Variants in RPS6KA2 observed in about 807,000 individuals in gnomAD.
RPS6KA2 encodes ribosomal protein S6 kinase A2.
RPS6KA2 carries 42 observed loss-of-function variants against 91.8 expected under a neutral mutation model. The ratio of observed to expected loss-of-function variants is 0.46; its 90% CI spans 0.36 to 0.59. RPS6KA2 has a LOEUF of 0.59. RPS6KA2 is among the 20% of genes least tolerant of loss of function. The pLI is 0.00. For synonymous variants in RPS6KA2, 414 were observed against 393.6 expected (o/e 1.05, Z -0.61); for missense variants, 798 against 978.5 (o/e 0.82, Z 2.46).
intron 10 of RPS6KA2, among the ~76,000 whole-genome samples, chr6:166,475,334 G>A (rs1228063326): frequency 5.3e-5 from 8 of 152,190 alleles, no homozygotes; most frequent in African/African-American, 1.7e-4. Context: ...GCGTACTCCC[G>A]AGCGTGGCCC....
chr6:166,830,717 C>G (rs1780163597), intron 2 of RPS6KA2, among the ~76,000 whole-genome samples: 1 of 152,138 alleles, frequency 6.6e-6, no homozygotes, highest in African/African-American at 2.4e-5. Context: ...TCTCATCACA[C>G]CAAGCGTCAG....
chr6:166,532,495 G>A (rs1783317211), intron 2 of RPS6KA2, among the ~76,000 whole-genome samples: 1 of 152,202 alleles, frequency 6.6e-6, no homozygotes, highest in African/African-American at 2.4e-5. Context: ...CGGAGTTGCT[G>A]TATCAGTGTC....
Position 166,436,066 on chromosome 6 carries a change from C to T in RPS6KA2, c.1333-3576G>A, listed in dbSNP as rs1031022120. ...TAAGATTCAACAAATTAATATGAAT[C>T]GATCCCTTCATACTCTCCCTGGTAC... On this transcript the variant is annotated intron_variant, in intron 14 of 20. Transcript: ENST00000265678. 5.3e-5 allele frequency among the ~76,000 whole-genome samples: 8 copies of T among 152,280 alleles called. No individual in the cohort carries two copies. In the South Asian group the frequency reaches 8.3e-4, roughly 16 times the overall value.
At chr6:166,417,044 C>T (rs1017598725) in intron 19 of RPS6KA2, among the ~76,000 whole-genome samples, 6 of 152,212 alleles carry the variant, frequency 3.9e-5, no homozygotes, top group Admixed American at 2.0e-4. Flanking sequence ...TGCTGCTTAC[C>T]AGTGGCTGGA....
In RPS6KA2 at chr6:166,418,573, T is replaced by C. The variant is rs1778619838; in HGVS notation, c.1821-231A>G. 6.6e-6 allele frequency among the ~76,000 whole-genome samples: 1 copy of C among 152,234 alleles called. No homozygotes were observed. Among genetic ancestry groups the C allele is most frequent in the Non-Finnish European group, 1.5e-5 (1 of 68,042 alleles). On this transcript the variant is annotated intron_variant, in intron 18 of 20. Coordinates refer to ENST00000265678, the MANE Select transcript of RPS6KA2 (RefSeq NM_021135.6). This position sits in a 1 kb window ranked among gnomAD's most constrained non-coding sequence, Gnocchi z 4.9. Reference sequence around the variant, plus strand: ...TTGATGGGCAAGTGGGAGAGCCCTGTGAGACCTGTGCTGTATCCCCTCCGG... The same window carrying C: ...TTGATGGGCAAGTGGGAGAGCCCTGCGAGACCTGTGCTGTATCCCCTCCGG...
chr6:166,786,741 A>C (rs894957856), intron 2 of RPS6KA2, among the ~76,000 whole-genome samples: 5 of 152,276 alleles, frequency 3.3e-5, no homozygotes, highest in African/African-American at 1.2e-4. Context: ...AAACTGAATT[A>C]TGTCATGATA....
intron 2 of RPS6KA2, among the ~76,000 whole-genome samples, chr6:166,837,105 C>T (rs79355261): frequency 0.062 from 9,444 of 152,216 alleles, 739 homozygotes; most frequent in East Asian, 0.39. Flanking sequence ...CGAGGAAGAC[C>T]GACGCTGTCC....
chr6:166,841,789 C>G lies in RPS6KA2; in HGVS notation c.123+16411G>C, dbSNP rs189270951. Among the ~76,000 whole-genome samples, 134 of 152,338 alleles carry G rather than the reference C, an allele frequency of 8.8e-4. 1 individual carries two copies. Among genetic ancestry groups the G allele is most frequent in the African/African-American group, 3.1e-3 (127 of 41,584 alleles). On this transcript the variant is annotated intron_variant, in intron 2 of 21. Transcript: ENST00000503859. The stretch of plus-strand genomic sequence containing the variant: ...GACGGTAACACCCCGTGACCACTCT[C>G]TAAAGAGATGAGGAAGAGGCCAGGA...
At chr6:166,685,671 C>T (rs1562382408) in intron 2 of RPS6KA2, among the ~76,000 whole-genome samples, 1 of 152,128 alleles carries the variant, frequency 6.6e-6, no homozygotes, top group Non-Finnish European at 1.5e-5. Flanking sequence ...CCCCGTGCAC[C>T]ACCACTCTTC....
At chr6:166,744,601 G>T (rs1309473100) in intron 2 of RPS6KA2, among the ~76,000 whole-genome samples, 2 of 152,158 alleles carry the variant, frequency 1.3e-5, no homozygotes, top group Non-Finnish European at 2.9e-5. Context: ...GTGCAGCAGG[G>T]CCCACCCTGT....
chr6:166,854,667 C>T (rs7744640), intron 2 of RPS6KA2, among the ~76,000 whole-genome samples: 16,315 of 152,050 alleles, frequency 0.11, 2,625 homozygotes, highest in African/African-American at 0.35. Flanking sequence ...TTAGTTGCCA[C>T]AAAATTTCTT....
rs868649197 is a variant in RPS6KA2, at chr6:166,459,393, C to G, written c.1075+56G>C. Reference sequence around the variant, plus strand: ...GAATTTCTTGTTCCTAGATATCTGTCTCTAAGGGGTCAGGTGGGAGAAGCC... The same window carrying G: ...GAATTTCTTGTTCCTAGATATCTGTGTCTAAGGGGTCAGGTGGGAGAAGCC... On this transcript the variant is annotated intron_variant, in intron 12 of 20. Coordinates refer to ENST00000265678, the MANE Select transcript of RPS6KA2 (RefSeq NM_021135.6). This position sits in a 1 kb window ranked among gnomAD's most constrained non-coding sequence, Gnocchi z 4.9. 9.6e-7 allele frequency: 1 copy of G among 1,043,858 alleles called. No homozygotes were observed. The highest frequency in any genetic ancestry group is 1.3e-5 in the South Asian group (1 of 75,676). The allele number at this position is 1,043,858 out of a possible 1,614,324, so 64.7% of individuals were successfully genotyped here.
intron 2 of RPS6KA2, among the ~76,000 whole-genome samples, chr6:166,667,357 G>A (rs954318930): frequency 5.3e-5 from 8 of 152,148 alleles, no homozygotes; most frequent in African/African-American, 1.9e-4. Flanking sequence ...TAGTTATGTC[G>A]ATAATTTCTT....
intron 2 of RPS6KA2, among the ~76,000 whole-genome samples, chr6:166,713,909 C>A (rs1377018565): frequency 2.6e-5 from 4 of 152,168 alleles, no homozygotes; most frequent in Non-Finnish European, 5.9e-5. Context: ...TCACCACACC[C>A]TGTCACCCAC....
intron 19 of RPS6KA2, among the ~76,000 whole-genome samples, chr6:166,417,412 T>C (rs1165157136): frequency 6.6e-6 from 1 of 152,110 alleles, no homozygotes; most frequent in Non-Finnish European, 1.5e-5. Context: ...ACAATGTGGG[T>C]CAGCCTCATC....
At chr6:166,792,262 G>A (rs1313917693) in intron 2 of RPS6KA2, among the ~76,000 whole-genome samples, 1 of 152,160 alleles carries the variant, frequency 6.6e-6, no homozygotes, top group African/African-American at 2.4e-5. Flanking sequence ...AGAAGAAATG[G>A]ATAAATTCCT....
chr6:166,413,470 T>C (rs1056870406), intron 20 of RPS6KA2, among the ~76,000 whole-genome samples: 4 of 152,222 alleles, frequency 2.6e-5, no homozygotes, highest in African/African-American at 9.6e-5. Context: ...CCTGAGAGGC[T>C]ACTGCTGCCT....
intron 2 of RPS6KA2, among the ~76,000 whole-genome samples, chr6:166,750,162 G>C (rs528263103): frequency 6.6e-6 from 1 of 152,356 alleles, no homozygotes; most frequent in East Asian, 1.9e-4. Flanking sequence ...GTGAAGGGCG[G>C]TTCCATCCGC....
intron 1 of RPS6KA2, among the ~76,000 whole-genome samples, chr6:166,596,966 G>T (rs1785554350): frequency 6.6e-6 from 1 of 152,166 alleles, no homozygotes; most frequent in Non-Finnish European, 1.5e-5. Flanking sequence ...ATTCACCACA[G>T]ATGCGCCAGT....
Sources: gnomAD v4.1 joint callset for allele counts (sites outside exome capture counted in the v4.1 genomes callset) on GRCh38, gnomAD v4.1.1 for gene constraint, Gnocchi (gnomAD v3.1) non-coding constraint, MANE v1.5 for transcripts, NCBI Gene and HGNC (gene_info 2026-07-23, HGNC 2026-07-21) for gene names.